TMEM235: variants seen among roughly 807,000 people sequenced by gnomAD.
TMEM235 encodes claudin-27.
Under a neutral mutation model 22.9 loss-of-function variants are expected in TMEM235, and 23 were observed. That is an observed-to-expected ratio of 1.00 (90% CI 0.72 to 1.42). The LOEUF is 1.42. Ranked by LOEUF, TMEM235 falls within the 40% of genes most tolerant of loss-of-function variation. The pLI, the probability that TMEM235 is intolerant of heterozygous loss-of-function variation, is 0.00. For missense variants in TMEM235, 308 were observed against 299.5 expected (o/e 1.03, Z -0.21); for synonymous variants, 137 against 140.5 (o/e 0.98, Z 0.17).
At chr17:78,236,880 A>C (rs1444493012) in intron 4 of TMEM235, among the ~76,000 whole-genome samples, 3 of 149,616 alleles carry the variant, frequency 2.0e-5, no homozygotes, top group Non-Finnish European at 4.4e-5. Flanking sequence ...CAGTGAAGTC[A>C]AGGTCTCCTC....
chr17:78,234,708 C>G, exon 4 of TMEM235: 2 of 1,536,018 alleles, frequency 1.3e-6, no homozygotes, highest in South Asian at 1.2e-5. Context: ...TGCTTTTCAC[C>G]GGCTGCTACT....
chr17:78,232,247 GCGAC>G (rs1383462401), intron 2 of TMEM235, 34 bp downstream of exon 1: 1 of 1,419,172 alleles, frequency 7.0e-7, no homozygotes, highest in African/African-American at 1.5e-5. Flanking sequence ...TCCTCCCTCC[GCGAC>G]CTCGTCCCTC....
exon 2 of TMEM235, chr17:78,232,032 G>A (rs1455581239): frequency 6.9e-6 from 9 of 1,299,726 alleles, no homozygotes; most frequent in Non-Finnish European, 8.8e-6. Flanking sequence ...CCATGGCCCG[G>A]CTGGGCGCGC....
rs369228327 is a variant in TMEM235 at position 78,238,480 on chromosome 17, G to A, written c.410-544G>A. ...GGCAAAGGTGTGAGGAAGAGGAGGC[G>A]GGGGTGCAGGGCAGGGACTCACTCT... On this transcript the variant is annotated intron_variant, in intron 4 of 5. Coordinates refer to ENST00000421688, the Ensembl canonical transcript of TMEM235. This position sits in a 1 kb window ranked among gnomAD's most constrained non-coding sequence, Gnocchi z 4.3. 2.0e-5 allele frequency among the ~76,000 whole-genome samples: 3 copies of A among 152,004 alleles called. No individual in the cohort carries two copies. The highest frequency in any genetic ancestry group is 2.9e-5 in the Non-Finnish European group (2 of 67,994).
At chr17:78,240,226 A>G in exon 6 of TMEM235, 1 of 458,390 alleles carries the variant, frequency 2.2e-6, no homozygotes, top group South Asian at 2.5e-5. Flanking sequence ...GTGTCATGCC[A>G]TGGTGGAGGA....
chr17:78,233,722 A>G (rs1056961243), intron 2 of TMEM235, among the ~76,000 whole-genome samples, 173 bp from the exon 2 acceptor site: 2 of 151,742 alleles, frequency 1.3e-5, no homozygotes, highest in Non-Finnish European at 2.9e-5. Context: ...AAAAGAAAAT[A>G]AACAAGGCTA....
At chr17:78,234,924 C>T (rs566234929) in intron 4 of TMEM235, among the ~76,000 whole-genome samples, 194 bp downstream of exon 3, 1 of 152,326 alleles carries the variant, frequency 6.6e-6, no homozygotes, top group Admixed American at 6.5e-5. Flanking sequence ...TCTCACGTTG[C>T]TATAAAGAAA....
At chr17:78,236,467 G>C (rs1032472058) in intron 4 of TMEM235, among the ~76,000 whole-genome samples, 6 of 152,204 alleles carry the variant, frequency 3.9e-5, no homozygotes, top group Non-Finnish European at 8.8e-5. Flanking sequence ...TGCTGGCCAA[G>C]TGCTCCTCCG....
At chr17:78,231,439 C>A in exon 2 of TMEM235, 1 of 1,299,022 alleles carries the variant, frequency 7.7e-7, no homozygotes, top group Non-Finnish European at 1.0e-6. Context: ...CAGCCCCCCG[C>A]CCGGCTGTGG....
chr17:78,231,557 C>T lies in TMEM235; in HGVS notation c.-467C>T, dbSNP rs540791958. On this transcript the variant is annotated 5_prime_UTR_variant, in exon 2 of 6. Transcript: ENST00000421688. Reference sequence around the variant, plus strand: ...CCAGGCTCCTATGCTTCCAGGAGCACGGGTGGGTGGTCCTGCTGCCTGGCC... The same window carrying T: ...CCAGGCTCCTATGCTTCCAGGAGCATGGGTGGGTGGTCCTGCTGCCTGGCC... 5.7e-5 allele frequency: 74 copies of T among 1,304,240 alleles called. No homozygotes were observed. The African/African-American group carries it at 1.0e-3, about 18-fold the overall frequency. 80.8% of individuals were successfully genotyped at this position (1,304,240 alleles called of 1,614,324 possible). A position where few individuals can be genotyped will look rare whatever the true frequency, so the allele number is the denominator to read the frequency against.
chr17:78,236,656 C>A (rs2076647650), intron 4 of TMEM235, among the ~76,000 whole-genome samples: 1 of 152,246 alleles, frequency 6.6e-6, no homozygotes, highest in Admixed American at 6.5e-5. Context: ...CTGTCCTCAG[C>A]CGCCCCTGTC....
exon 6 of TMEM235, chr17:78,239,930 C>T (rs935369504): frequency 6.5e-7 from 1 of 1,550,324 alleles, no homozygotes; most frequent in African/African-American, 1.4e-5. Context: ...GATGAGAGGG[C>T]CCGAGAGCCC....
At chr17:78,233,652 G>A (rs1296072026) in intron 2 of TMEM235, among the ~76,000 whole-genome samples, 6 of 149,998 alleles carry the variant, frequency 4.0e-5, no homozygotes, top group Admixed American at 1.3e-4. Flanking sequence ...CCGAGATCGC[G>A]CCACTGCACT....
At chr17:78,231,777 C>A (rs1220933006) in exon 2 of TMEM235, 14 of 1,220,408 alleles carry the variant, frequency 1.1e-5, no homozygotes, top group Non-Finnish European at 1.5e-5. Flanking sequence ...GTTCGCCGCG[C>A]GGCTCTCGAC....
chr17:78,239,864 C>T (rs554941725), exon 6 of TMEM235: 109 of 1,551,514 alleles, frequency 7.0e-5, no homozygotes, highest in African/African-American at 1.5e-4. Context: ...CCAAGGCCTC[C>T]CTGGCCTCTG....
intron 2 of TMEM235, 91 bp downstream of exon 1, chr17:78,232,304 AC>A: frequency 8.0e-7 from 1 of 1,249,696 alleles, no homozygotes; most frequent in Non-Finnish European, 1.0e-6. Context: ...GCCCCGCCAG[AC>A]CCCCTTCCAG....
At chr17:78,235,866 G>A (rs2076637226) in intron 4 of TMEM235, among the ~76,000 whole-genome samples, 1 of 152,130 alleles carries the variant, frequency 6.6e-6, no homozygotes, top group African/African-American at 2.4e-5. Context: ...CTCCCAAAGT[G>A]CTGTGATTAC....
chr17:78,234,273 C>T (rs767529028), intron 3 of TMEM235: 1 of 688,794 alleles, frequency 1.5e-6, no homozygotes, highest in Non-Finnish European at 2.6e-6. Context: ...GCCTTGCAGA[C>T]TCCTGGCTCC....
At chr17:78,233,833 G>C (rs1019322696) in intron 2 of TMEM235, 62 bp from the exon 2 acceptor site, 2 of 1,493,664 alleles carry the variant, frequency 1.3e-6, no homozygotes, top group Non-Finnish European at 9.0e-7. Flanking sequence ...CCCTGGGCTC[G>C]GGTAGGCTGC....
Sources: gnomAD v4.1 joint callset for allele counts (sites outside exome capture counted in the v4.1 genomes callset) on GRCh38, gnomAD v4.1.1 for gene constraint, Gnocchi (gnomAD v3.1) non-coding constraint, MANE v1.5 for transcripts, NCBI Gene and HGNC (gene_info 2026-07-23, HGNC 2026-07-21) for gene names.